LINGO2: variants seen among roughly 807,000 people sequenced by gnomAD.
The protein encoded by LINGO2 is leucine rich repeat and Ig domain containing 2, also known as leucine-rich repeat and immunoglobulin-like domain-containing nogo receptor-interacting protein 2.
In LINGO2, 14 loss-of-function variants were observed where a neutral mutation model predicts 30.6. The observed-to-expected ratio is 0.46, with a 90% confidence interval of 0.30 to 0.72. LINGO2 has a LOEUF of 0.72. LINGO2 is among the 30% of genes least tolerant of loss of function. The pLI is 0.07. For synonymous variants in LINGO2, 317 were observed against 288.5 expected, an observed-to-expected ratio of 1.10 and a Z score of -1.00; for missense variants, 729 against 751.7, an observed-to-expected ratio of 0.97 and a Z score of 0.35.
the LINGO2 span, among the ~76,000 whole-genome samples, chr9:28,986,510 AACC>A: frequency 6.6e-6 from 1 of 152,020 alleles, no homozygotes; most frequent in Non-Finnish European, 1.5e-5. Context: ...TATAAACACA[AACC>A]ATCTTTCCAT....
chr9:27,994,317 T>C (rs1261472220), intron 5 of LINGO2, among the ~76,000 whole-genome samples: 4 of 151,634 alleles, frequency 2.6e-5, no homozygotes, highest in Non-Finnish European at 5.9e-5. Context: ...ATAAATCAAA[T>C]TGAAACTAAA....
At chr9:29,153,907 A>G in the LINGO2 span, among the ~76,000 whole-genome samples, 1 of 152,220 alleles carries the variant, frequency 6.6e-6, no homozygotes, top group Non-Finnish European at 1.5e-5. Flanking sequence ...AAGGCTCAGA[A>G]CAACTGCCTC....
intron 4 of LINGO2, among the ~76,000 whole-genome samples, chr9:28,042,631 C>T (rs931580094): frequency 7.9e-5 from 12 of 152,138 alleles, no homozygotes; most frequent in African/African-American, 2.7e-4. Flanking sequence ...TAATTCTCAT[C>T]ATGTGTCTTA....
At chr9:28,929,745 C>A in the LINGO2 span, among the ~76,000 whole-genome samples, 1 of 152,046 alleles carries the variant, frequency 6.6e-6, no homozygotes, top group Non-Finnish European at 1.5e-5. Context: ...CAATGGTCTA[C>A]GTTAATATTT....
the LINGO2 span, among the ~76,000 whole-genome samples, chr9:28,896,624 A>G: frequency 1.3e-5 from 2 of 152,152 alleles, no homozygotes; most frequent in Admixed American, 6.6e-5. Context: ...AAAAATGTAT[A>G]TAAAACCTTT....
Position 28,645,749 on chromosome 9 carries a change from G to T in LINGO2, c.-365+24451C>A, listed in dbSNP as rs77479902. Among the ~76,000 whole-genome samples the T allele has an allele frequency of 8.2e-3, 1,249 of 152,194 alleles. 25 individuals are homozygous for T. Among genetic ancestry groups the T allele is most frequent in the African/African-American group, 0.029 (1,204 of 41,540 alleles). On this transcript the variant is annotated intron_variant, in intron 1 of 5. Coordinates refer to ENST00000379992, the Ensembl canonical transcript of LINGO2. ...CTTGGTAGCCCTATCTACTGAAAAT[G>T]ATATCTAATATCAGACTATAATCAA...
chr9:28,359,919 T>G (rs1820374517), intron 3 of LINGO2, among the ~76,000 whole-genome samples: 1 of 152,184 alleles, frequency 6.6e-6, no homozygotes, highest in South Asian at 2.1e-4. Context: ...GAGGTACAGC[T>G]GCAAGTAAAT....
At chr9:28,473,240 AG>A (rs1328517093) in intron 2 of LINGO2, among the ~76,000 whole-genome samples, 2 of 151,982 alleles carry the variant, frequency 1.3e-5, no homozygotes, top group Non-Finnish European at 2.9e-5. Flanking sequence ...TAAGCTTCAC[AG>A]TTGAAGAGTA....
the LINGO2 span, among the ~76,000 whole-genome samples, chr9:29,084,377 C>A: frequency 2.0e-5 from 3 of 152,054 alleles, no homozygotes; most frequent in African/African-American, 7.2e-5. Flanking sequence ...GTAAAAGGAA[C>A]ACCTATTCTA....
At chr9:28,455,034 T>C (rs940929948) in intron 2 of LINGO2, among the ~76,000 whole-genome samples, 8 of 152,066 alleles carry the variant, frequency 5.3e-5, no homozygotes, top group African/African-American at 1.9e-4. Flanking sequence ...TTCTTATCAA[T>C]ATTTCTAGTA....
chr9:28,782,290 G>C, the LINGO2 span, among the ~76,000 whole-genome samples: 1 of 152,140 alleles, frequency 6.6e-6, no homozygotes, highest in African/African-American at 2.4e-5. Flanking sequence ...GAGACTGAAT[G>C]TGGAATCCAA....
chr9:28,626,186 T>C (rs1826665398), intron 1 of LINGO2, among the ~76,000 whole-genome samples: 1 of 152,152 alleles, frequency 6.6e-6, no homozygotes, highest in Admixed American at 6.6e-5. Flanking sequence ...GTTGAGTACC[T>C]TTTCATGTGC....
chr9:28,119,441 C>A (rs146980939), intron 4 of LINGO2, among the ~76,000 whole-genome samples: 1 of 152,282 alleles, frequency 6.6e-6, no homozygotes, highest in African/African-American at 2.4e-5. Flanking sequence ...AACATATATA[C>A]TTGGGCAGGT....
At chr9:27,974,023 G>C (rs900397254) in intron 5 of LINGO2, among the ~76,000 whole-genome samples, 1 of 152,152 alleles carries the variant, frequency 6.6e-6, no homozygotes, top group Non-Finnish European at 1.5e-5. Context: ...AAAAATGGTG[G>C]TGTTATATGG....
chr9:28,019,083 A>C (rs1189607212), intron 4 of LINGO2, among the ~76,000 whole-genome samples: 1 of 152,058 alleles, frequency 6.6e-6, no homozygotes, highest in Non-Finnish European at 1.5e-5. Context: ...TTGAGTACAC[A>C]TGGGCACTAA....
intron 4 of LINGO2, among the ~76,000 whole-genome samples, chr9:28,251,423 G>A (rs1017073822): frequency 3.2e-4 from 49 of 152,112 alleles, no homozygotes; most frequent in African/African-American, 1.2e-3. Flanking sequence ...AACGTAGACT[G>A]TCACTCTAAT....
At chr9:28,863,697 C>A in the LINGO2 span, 17 of 527,764 alleles carry the variant, frequency 3.2e-5, no homozygotes, top group Non-Finnish European at 5.9e-5. Context: ...AAGAAATCCA[C>A]AGCACTTCAC....
the LINGO2 span, among the ~76,000 whole-genome samples, chr9:29,016,364 A>G: frequency 1.4e-4 from 21 of 152,134 alleles, no homozygotes; most frequent in Admixed American, 1.3e-4. Context: ...AACTCTCAAT[A>G]TGAGACCATC....
the LINGO2 span, among the ~76,000 whole-genome samples, chr9:28,687,652 T>C: frequency 6.6e-6 from 1 of 152,114 alleles, no homozygotes; most frequent in African/African-American, 2.4e-5. Context: ...TGCTCCATCA[T>C]ATTAATCTCT....
Sources: allele counts gnomAD v4.1 joint callset (sites outside exome capture counted in the v4.1 genomes callset), GRCh38; gene constraint gnomAD v4.1.1; transcripts MANE v1.5; gene names NCBI Gene and HGNC (gene_info 2026-07-23, HGNC 2026-07-21).